The following IRAK1BP1 variants were observed in gnomAD, a reference collection of about 807,000 sequenced individuals.
IRAK1BP1 encodes interleukin-1 receptor-associated kinase 1-binding protein 1.
Under a neutral mutation model 28.0 loss-of-function variants are expected in IRAK1BP1, and 24 were observed. The observed-to-expected ratio is 0.86, with a 90% confidence interval of 0.62 to 1.20. The LOEUF (loss-of-function observed/expected upper bound fraction) is 1.20, where lower values mean the gene tolerates loss of function less well. Among genes scored for constraint, IRAK1BP1 ranks in the 50% most tolerant of loss-of-function variants. The probability of loss-of-function intolerance (pLI) is 0.00; values close to 1 mark genes in which losing one functional copy is unlikely to be tolerated. For synonymous variants in IRAK1BP1, 131 were observed against 116.3 expected (o/e 1.13, Z -0.81); for missense variants, 336 against 316.7 (o/e 1.06, Z -0.46).
downstream of IRAK1BP1, chr6:78,946,772 T>C (rs1474145835): frequency 6.3e-7 from 1 of 1,593,254 alleles, no homozygotes; most frequent in African/African-American, 1.4e-5. Flanking sequence ...CTTTTGGTTA[T>C]GGTATTTCTT....
the IRAK1BP1 span, chr6:78,965,863 A>G: frequency 8.4e-7 from 1 of 1,186,992 alleles, no homozygotes; most frequent in South Asian, 1.3e-5. Context: ...TGTTTAAAAG[A>G]AGTCTCTTTA....
the IRAK1BP1 span, among the ~76,000 whole-genome samples, chr6:78,967,842 T>C: frequency 6.6e-6 from 1 of 152,038 alleles, no homozygotes; most frequent in African/African-American, 2.4e-5. Flanking sequence ...CCTTAAAAAA[T>C]AAAATTTATC....
chr6:78,875,878 T>A (rs1255100529), intron 1 of IRAK1BP1, among the ~76,000 whole-genome samples: 1 of 151,958 alleles, frequency 6.6e-6, no homozygotes, highest in African/African-American at 2.4e-5. Context: ...TAAATAAAAA[T>A]ATATATATTG....
At chr6:78,911,626 C>A (rs971263316) in intron 4 of IRAK1BP1, among the ~76,000 whole-genome samples, 1 of 152,194 alleles carries the variant, frequency 6.6e-6, no homozygotes, top group Non-Finnish European at 1.5e-5. Context: ...TTGTATCTTA[C>A]AGCAGCTGCA....
At chr6:78,964,024 C>A in the IRAK1BP1 span, among the ~76,000 whole-genome samples, 42 of 152,270 alleles carry the variant, frequency 2.8e-4, no homozygotes, top group East Asian at 7.3e-3. Flanking sequence ...ATCACTTATT[C>A]ATTTAAAAAA....
intron 4 of IRAK1BP1, among the ~76,000 whole-genome samples, chr6:78,925,526 C>A (rs1436361583): frequency 6.6e-6 from 1 of 152,016 alleles, no homozygotes; most frequent in South Asian, 2.1e-4. Flanking sequence ...GTTAAAAAGT[C>A]AAAACACAAC....
intron 4 of IRAK1BP1, among the ~76,000 whole-genome samples, chr6:78,945,043 A>T (rs1773724199): frequency 6.6e-6 from 1 of 152,128 alleles, no homozygotes; most frequent in South Asian, 2.1e-4. Context: ...ACATTGGGTT[A>T]ACTATACCCT....
At chr6:78,962,308 G>A in the IRAK1BP1 span, among the ~76,000 whole-genome samples, 6 of 152,092 alleles carry the variant, frequency 3.9e-5, no homozygotes, top group Admixed American at 6.6e-5. Context: ...AATACACACC[G>A]TAAAGTTGTA....
chr6:78,928,265 A>G (rs933039182), intron 4 of IRAK1BP1, among the ~76,000 whole-genome samples: 2 of 151,784 alleles, frequency 1.3e-5, no homozygotes, highest in African/African-American at 2.4e-5. Context: ...ATTTAATTTT[A>G]TTTGTGGTTA....
At chr6:78,965,999 T>A in the IRAK1BP1 span, 1 of 1,613,898 alleles carries the variant, frequency 6.2e-7, no homozygotes, top group Non-Finnish European at 8.5e-7. Flanking sequence ...AAGAGGTTCC[T>A]GGCTTTCGAT....
chr6:78,962,572 A>G, the IRAK1BP1 span, among the ~76,000 whole-genome samples: 1 of 152,120 alleles, frequency 6.6e-6, no homozygotes, highest in Non-Finnish European at 1.5e-5. Context: ...GTGGGTTGCT[A>G]CAAACCACCA....
At chr6:78,871,155 T>C (rs1770779554) in intron 1 of IRAK1BP1, 1 of 512,542 alleles carries the variant, frequency 2.0e-6, no homozygotes, top group African/African-American at 2.1e-5. Flanking sequence ...CCAGTAGATT[T>C]GGTATATAGT....
the IRAK1BP1 span, among the ~76,000 whole-genome samples, chr6:78,952,426 A>G: frequency 1.9e-3 from 270 of 140,556 alleles, no homozygotes; most frequent in African/African-American, 6.2e-3. Context: ...CCAAAAAAAA[A>G]AGAAAAAAAA....
downstream of IRAK1BP1, among the ~76,000 whole-genome samples, chr6:78,904,418 G>C (rs1772207126): frequency 6.6e-6 from 1 of 152,178 alleles, no homozygotes; most frequent in Non-Finnish European, 1.5e-5. Flanking sequence ...GCCAGAGAAA[G>C]TTGCTTTTGA....
At position 78,941,314 on chromosome 6, in the gene IRAK1BP1, G is replaced by A. The variant is rs768860436; in HGVS notation, c.*68-4094G>A. On this transcript the variant is annotated intron_variant and NMD_transcript_variant, in intron 4 of 4. Coordinates refer to the IRAK1BP1 transcript ENST00000606868. ...CTTGAATGGTTCCTGGTACAAGAGC[G>A]TTGTTCTTACAATCTCCTAAAAGGG... 9 of 1,612,448 alleles carry A rather than the reference G, an allele frequency of 5.6e-6. No homozygotes were observed. Among genetic ancestry groups the A allele is most frequent in the Admixed American group, 1.7e-5 (1 of 59,830 alleles).
At chr6:78,877,211 G>T (rs1394548558) in intron 1 of IRAK1BP1, among the ~76,000 whole-genome samples, 2 of 152,088 alleles carry the variant, frequency 1.3e-5, no homozygotes, top group Admixed American at 1.3e-4. Flanking sequence ...CAATCAAGCA[G>T]AAAAAGAATG....
chr6:78,889,588 T>G (rs78732202), intron 2 of IRAK1BP1, among the ~76,000 whole-genome samples: 1 of 131,062 alleles, frequency 7.6e-6, no homozygotes, highest in Admixed American at 7.6e-5. Context: ...AAAAAAAAAA[T>G]CCCCATCAAA....
downstream of IRAK1BP1, among the ~76,000 whole-genome samples, chr6:78,903,597 C>T (rs1772178823): frequency 6.6e-6 from 1 of 151,608 alleles, no homozygotes; most frequent in African/African-American, 2.4e-5. Context: ...GATGAAAAGC[C>T]CAGGTGGCAG....
At chr6:78,904,162 T>C (rs1000546300), downstream of IRAK1BP1, among the ~76,000 whole-genome samples, 1 of 152,214 alleles carries the variant, frequency 6.6e-6, no homozygotes, top group South Asian at 2.1e-4. Context: ...GTTTGCACAT[T>C]TTGCAGTCCA....
Sources: gnomAD v4.1 joint callset for allele counts (sites outside exome capture counted in the v4.1 genomes callset) on GRCh38, gnomAD v4.1.1 for gene constraint, MANE v1.5 for transcripts, NCBI Gene and HGNC (gene_info 2026-07-23, HGNC 2026-07-21) for gene names.